SCYL3: variants seen among roughly 807,000 people sequenced by gnomAD.
The protein encoded by SCYL3 is SCY1 like pseudokinase 3, also known as protein-associating with the carboxyl-terminal domain of ezrin.
A neutral mutation model predicts 73.8 loss-of-function variants in SCYL3; 35 were observed. The observed-to-expected ratio is 0.47, with a 90% CI of 0.36 to 0.63. The LOEUF (loss-of-function observed/expected upper bound fraction) is 0.63. Among genes scored for constraint, SCYL3 ranks in the 20% least tolerant of loss-of-function variants. The pLI is 0.00. For missense variants in SCYL3, 712 were observed against 798.9 expected (o/e 0.89, Z 1.31); for synonymous variants, 277 against 295.2 (o/e 0.94, Z 0.63).
intron 5 of SCYL3, among the ~76,000 whole-genome samples, chr1:169,872,542 A>G (rs963997145): frequency 2.6e-5 from 4 of 152,210 alleles, no homozygotes; most frequent in East Asian, 1.9e-4. Context: ...GAGCTGTGAG[A>G]AGGAGGCCAG....
In SCYL3 at chr1:169,876,203, A is replaced by G. The variant is rs1228780250; in HGVS notation, c.352-112T>C. The stretch of plus-strand genomic sequence containing the variant: ...CACAATCTTTATTTTAAAAAACTAA[A>G]TACTAATCACCAAAAAAATTATGAC... On this transcript the variant is annotated intron_variant, in intron 3 of 12. Transcript: ENST00000367771. 3 of 552,372 alleles carry G rather than the reference A, an allele frequency of 5.4e-6. No homozygotes were observed. The Admixed American group carries it at 1.2e-4, about 23-fold the overall frequency. 34.2% of individuals were successfully genotyped at this position (552,372 alleles called of 1,614,324 possible).
chr1:169,858,880 C>T (rs1208625087), intron 11 of SCYL3, among the ~76,000 whole-genome samples, 161 bp downstream of exon 11: 4 of 151,402 alleles, frequency 2.6e-5, no homozygotes, highest in Non-Finnish European at 5.9e-5. Flanking sequence ...TGAAAGGATT[C>T]CCACTGAAAA....
chr1:169,875,477 A>G (rs1347575524), intron 4 of SCYL3, among the ~76,000 whole-genome samples: 1 of 152,228 alleles, frequency 6.6e-6, no homozygotes, highest in Non-Finnish European at 1.5e-5. Context: ...CACAGGTCCT[A>G]AATCCCGCTA....
Position 169,852,669 on chromosome 1 carries a change from C to A in SCYL3, c.*1044G>T. On this transcript the variant is annotated 3_prime_UTR_variant, in exon 13 of 13. Transcript: ENST00000367771. ...CTGTGTAGGGGTTTTGGGGTGCATC[C>A]TCCTACCCTTGTGATCCAATGACTA... is the stretch of plus-strand genomic sequence containing the variant. 9.6e-7 allele frequency: 1 copy of A among 1,045,878 alleles called. No individual in the cohort carries two copies. The highest frequency in any genetic ancestry group is 1.4e-6 in the Non-Finnish European group (1 of 714,992). 64.8% of individuals were successfully genotyped at this position (1,045,878 alleles called of 1,614,324 possible).
intron 1 of SCYL3, among the ~76,000 whole-genome samples, chr1:169,891,413 G>A (rs921237597): frequency 3.3e-5 from 5 of 152,070 alleles, no homozygotes; most frequent in Non-Finnish European, 7.3e-5. Flanking sequence ...CTTTTCCTCA[G>A]GTAACTTGAA....
At chr1:169,887,676 C>G (rs1283886347) in intron 2 of SCYL3, among the ~76,000 whole-genome samples, 1 of 152,082 alleles carries the variant, frequency 6.6e-6, no homozygotes, top group Non-Finnish European at 1.5e-5. Context: ...AGCAAGAAAA[C>G]AGCCAGCTAT....
chr1:169,871,719 G>T (rs893128168), intron 5 of SCYL3, among the ~76,000 whole-genome samples: 17 of 152,182 alleles, frequency 1.1e-4, no homozygotes, highest in African/African-American at 4.1e-4. Context: ...TGAACAATAA[G>T]GTCCAGGCTG....
chr1:169,882,100 G>C (rs980948532), intron 2 of SCYL3, among the ~76,000 whole-genome samples: 1 of 152,324 alleles, frequency 6.6e-6, no homozygotes, highest in African/African-American at 2.4e-5. Context: ...AGCTTGCAGG[G>C]AGGTGTGAAG....
Position 169,851,283 on chromosome 1 carries a change from C to A in SCYL3, c.*2430G>T, listed in dbSNP as rs952192871. 3 of 152,550 alleles carry A rather than the reference C, an allele frequency of 2.0e-5. No homozygotes were observed. Among genetic ancestry groups the A allele is most frequent in the African/African-American group, 4.9e-5 (2 of 41,182 alleles). 9.4% of individuals were successfully genotyped at this position (152,550 alleles called of 1,614,324 possible). A position where few individuals can be genotyped will look rare whatever the true frequency, so the allele number is the denominator to read the frequency against. On this transcript the variant is annotated 3_prime_UTR_variant, in exon 13 of 13. Coordinates refer to ENST00000367771, the MANE Select transcript of SCYL3 (RefSeq NM_020423.7). ...TTGATATATTACATGTAATGATGCA[C>A]GTTATATATTTTACATATATTACAT... is the stretch of plus-strand genomic sequence containing the variant.
chr1:169,854,815 T>G lies in SCYL3; in HGVS notation c.1462A>C (p.Thr488Pro). The stretch of plus-strand genomic sequence containing the variant: ...CTAGGCCAAATCTGTATGTTGACAG[T>G]TTGATTTTCAGGCTCCTCAGGTTCA... ...WSEPEEPENQTVNIQIWPREP... is the reference protein window; with the variant it reads ...WSEPEEPENQPVNIQIWPREP... The change falls in exon 12 of 13, where the codon ACT becomes CCT. Residue 488 changes from threonine (T) to proline (P), a missense_variant. By Grantham distance (38) the Thr-to-Pro change is conservative. Around this residue, in one of 2 missense-constraint regions of SCYL3, gnomAD observed 370 missense variants for 350.8 expected, o/e 1.05. Transcript: ENST00000367771. 6.2e-7 allele frequency: 1 copy of G among 1,614,026 alleles called. No homozygotes were observed. Among genetic ancestry groups the G allele is most frequent in the Non-Finnish European group, 8.5e-7 (1 of 1,179,940 alleles).
At chr1:169,855,080 A>G in intron 11 of SCYL3, 116 bp from the exon 12 acceptor site, 2 of 701,784 alleles carry the variant, frequency 2.8e-6, no homozygotes, top group East Asian at 2.7e-5. Context: ...GGAAATATCC[A>G]TGCATACTAA....
intron 3 of SCYL3, 101 bp from the exon 4 acceptor site, chr1:169,876,192 T>A: frequency 1.6e-6 from 1 of 619,136 alleles, no homozygotes; most frequent in Non-Finnish European, 2.5e-6. Flanking sequence ...ATCTTTATTT[T>A]AAAAAACTAA....
chr1:169,878,435 G>A (rs1287011077), intron 3 of SCYL3, among the ~76,000 whole-genome samples, 199 bp downstream of exon 3: 1 of 152,222 alleles, frequency 6.6e-6, no homozygotes, highest in Admixed American at 6.5e-5. Flanking sequence ...CACAGAACTA[G>A]TTGTCCATTC....
At position 169,853,115 on chromosome 1, in the gene SCYL3, AT is replaced by A; in HGVS notation, c.*597del. The A allele has an allele frequency of 3.5e-6, 3 of 869,150 alleles. No homozygotes were observed. Among genetic ancestry groups the A allele is most frequent in the South Asian group, 3.5e-5 (2 of 57,758 alleles). 53.8% of individuals were successfully genotyped at this position (869,150 alleles called of 1,614,324 possible). ...CTAGTGAAAATAATCTTTATTTGAC[AT>A]TTAGAGAACAGGATTGTGGGGAATA... On this transcript the variant is annotated 3_prime_UTR_variant, in exon 13 of 13. Transcript: ENST00000367771.
intron 5 of SCYL3, 72 bp from the exon 6 acceptor site, chr1:169,870,429 C>T (rs1660312647): frequency 1.5e-5 from 14 of 957,652 alleles, no homozygotes; most frequent in Admixed American, 1.0e-4. Context: ...TCTGAAGCAC[C>T]TTCTCCCATG....
chr1:169,853,964 T>C lies in SCYL3; in HGVS notation c.2008-192A>G, dbSNP rs1658799052. 15 of 653,542 alleles carry C rather than the reference T, an allele frequency of 2.3e-5. No homozygotes were observed. In the South Asian group the frequency reaches 3.2e-4, roughly 14 times the overall value. 40.5% of individuals were successfully genotyped at this position (653,542 alleles called of 1,614,324 possible). ...ATTACAAAACCATGGCACTGGAAAA[T>C]AGCTTTTCAAAAACCATAAAATCCA... is the stretch of plus-strand genomic sequence containing the variant. On this transcript the variant is annotated intron_variant, in intron 12 of 12. Transcript: ENST00000367771.
chr1:169,873,756 G>T lies in SCYL3; in HGVS notation c.466-4C>A. ...TTGACTGAATACTCCTCAGAAACTA[G>T]ACAGAGAAATAAATTAAAGAAAATG... On this transcript the variant is annotated splice_region_variant and splice_polypyrimidine_tract_variant and intron_variant, in intron 4 of 12. Coordinates refer to ENST00000367771, the MANE Select transcript of SCYL3 (RefSeq NM_020423.7). The T allele has an allele frequency of 6.3e-7, 1 of 1,593,170 alleles. No individual in the cohort carries two copies. The highest frequency in any genetic ancestry group is 8.6e-7 in the Non-Finnish European group (1 of 1,162,546).
At chr1:169,868,344 C>T (rs1660178447) in intron 7 of SCYL3, among the ~76,000 whole-genome samples, 1 of 152,136 alleles carries the variant, frequency 6.6e-6, no homozygotes, top group Admixed American at 6.6e-5. Flanking sequence ...TGCAGAAGTT[C>T]TGCAGTCATG....
At position 169,873,877 on chromosome 1, in the gene SCYL3, G is replaced by A. The variant is rs182179863; in HGVS notation, c.466-125C>T. 3.0e-4 allele frequency: 187 copies of A among 619,042 alleles called. 1 individual carries two copies. In the Middle Eastern group the frequency reaches 3.7e-3, roughly 12 times the overall value. 38.3% of individuals were successfully genotyped at this position (619,042 alleles called of 1,614,324 possible). On this transcript the variant is annotated intron_variant, in intron 4 of 12. Transcript: ENST00000367771. The stretch of plus-strand genomic sequence containing the variant: ...CCAATTAAACCTTCAAATCAATGCC[G>A]CATATTAGATGCACAAATTTAAAAT...
Sources: allele counts gnomAD v4.1 joint callset (sites outside exome capture counted in the v4.1 genomes callset), GRCh38; gene constraint gnomAD v4.1.1; regional missense constraint gnomAD v4.1.1; transcripts MANE v1.5; gene names NCBI Gene and HGNC (gene_info 2026-07-23, HGNC 2026-07-21).